The following OR7E24 variants were observed in gnomAD, a reference collection of about 807,000 sequenced individuals.
The protein encoded by OR7E24 is olfactory receptor family 7 subfamily E member 24, also known as olfactory receptor 7E24.
For missense variants in OR7E24, 385 were observed against 410.3 expected (o/e 0.94, Z 0.53); for synonymous variants, 130 against 157.5 (o/e 0.83, Z 1.31).
Position 9,251,898 on chromosome 19 carries a change from C to A in OR7E24, c.855C>A (p.Ser285=). ...VGYLSSAVLP[S]PRKSMVASVM... ...ACCTCAGTTCAGCTGTGTTACCATC[C>A]CCCAGGAAGAGTATGGTGGCTTCAG... Residue 285 remains serine, a synonymous_variant, in exon 1 of 1, where the codon TCC becomes TCA. Coordinates refer to ENST00000456448, the MANE Select transcript of OR7E24 (RefSeq NM_001079935.2). 2 of 1,614,082 alleles carry A rather than the reference C, an allele frequency of 1.2e-6. No individual in the cohort carries two copies. Among genetic ancestry groups the A allele is most frequent in the Non-Finnish European group, 1.7e-6 (2 of 1,180,006 alleles).
chr19:9,227,979 T>C, the OR7E24 span, among the ~76,000 whole-genome samples: 2 of 151,788 alleles, frequency 1.3e-5, no homozygotes, highest in Non-Finnish European at 2.9e-5. Flanking sequence ...GGTCTCGATC[T>C]CCTGACCTCG....
At chr19:9,229,438 G>A in the OR7E24 span, among the ~76,000 whole-genome samples, 293 of 151,994 alleles carry the variant, frequency 1.9e-3, 1 homozygote, top group Admixed American at 4.4e-3. Context: ...AGGAGACTGA[G>A]GCAGGAGAAT....
chr19:9,230,936 G>T, the OR7E24 span, among the ~76,000 whole-genome samples: 1 of 151,998 alleles, frequency 6.6e-6, no homozygotes, highest in Admixed American at 6.5e-5. Context: ...GATTGAGATG[G>T]AGTCTTGCTC....
At position 9,251,813 on chromosome 19, in the gene OR7E24, C is replaced by T; in HGVS notation, c.770C>T (p.Ser257Phe). ...TCAGATGGGAAGTATAAAGCCTTCTCCACCTGTGGCTCTCACCTGGCAGTT... is the reference window on the plus strand; with the variant it reads ...TCAGATGGGAAGTATAAAGCCTTCTTCACCTGTGGCTCTCACCTGGCAGTT... Reference protein sequence around the residue: ...PTSDGKYKAFSTCGSHLAVVC... With the variant: ...PTSDGKYKAFFTCGSHLAVVC... The change falls in exon 1 of 1, where the codon TCC becomes TTC. Residue 257 changes from serine to phenylalanine, a missense_variant. By Grantham distance (155) the Ser-to-Phe change is radical. Transcript: ENST00000456448. 1 of 1,613,452 alleles carries T rather than the reference C, an allele frequency of 6.2e-7. No homozygotes were observed. Among genetic ancestry groups the T allele is most frequent in the Non-Finnish European group, 8.5e-7 (1 of 1,179,636 alleles).
the OR7E24 span, among the ~76,000 whole-genome samples, chr19:9,222,588 T>C: frequency 6.6e-6 from 1 of 152,174 alleles, no homozygotes; most frequent in Admixed American, 6.5e-5. Context: ...TTTTGTTGAT[T>C]TCTTTTTTGA....
At chr19:9,226,244 C>T in the OR7E24 span, among the ~76,000 whole-genome samples, 4 of 152,296 alleles carry the variant, frequency 2.6e-5, no homozygotes, top group East Asian at 7.7e-4. Context: ...ATTTAATTTC[C>T]TCAGCCAGGC....
chr19:9,232,015 A>G, the OR7E24 span, among the ~76,000 whole-genome samples: 2 of 152,182 alleles, frequency 1.3e-5, no homozygotes, highest in Non-Finnish European at 2.9e-5. Context: ...TAGTGAGGGT[A>G]AGAGAGTCCT....
At chr19:9,246,466 T>TTGTGTGTG (rs34518365), upstream of OR7E24, among the ~76,000 whole-genome samples, 2,795 of 130,970 alleles carry the variant, frequency 0.021, 33 homozygotes, top group Non-Finnish European at 0.025. Context: ...CTTAAAGGTA[T>TTGTGTGTG]TGTGTGTGTG....
chr19:9,234,720 A>G, the OR7E24 span, among the ~76,000 whole-genome samples: 1 of 152,316 alleles, frequency 6.6e-6, no homozygotes, highest in East Asian at 1.9e-4. Flanking sequence ...ATCCATGAAA[A>G]CTAAGGAACT....
At chr19:9,226,968 G>T in the OR7E24 span, among the ~76,000 whole-genome samples, 1 of 152,064 alleles carries the variant, frequency 6.6e-6, no homozygotes, top group African/African-American at 2.4e-5. Context: ...ATAGGGGTTT[G>T]TTGTACAGAT....
the OR7E24 span, among the ~76,000 whole-genome samples, chr19:9,224,449 A>G: frequency 6.6e-6 from 1 of 151,964 alleles, no homozygotes; most frequent in East Asian, 1.9e-4. Flanking sequence ...CCTGATCATG[A>G]TTTTCCCACT....
upstream of OR7E24, among the ~76,000 whole-genome samples, chr19:9,250,749 G>T (rs1339870237): frequency 6.6e-6 from 1 of 152,158 alleles, no homozygotes; most frequent in Non-Finnish European, 1.5e-5. Flanking sequence ...AAAGGGGCAA[G>T]AATATTTTTG....
At chr19:9,214,513 C>T in the OR7E24 span, 1 of 1,614,110 alleles carries the variant, frequency 6.2e-7, no homozygotes, top group Non-Finnish European at 8.5e-7. Flanking sequence ...GTATCCATTC[C>T]AGCAAACATC....
the OR7E24 span, chr19:9,212,919 A>T: frequency 1.3e-5 from 2 of 152,072 alleles, no homozygotes; most frequent in Non-Finnish European, 2.9e-5. Flanking sequence ...TGCCCCGAAA[A>T]TTTTATATCA....
upstream of OR7E24, chr19:9,247,390 G>C (rs1226640177): frequency 2.5e-6 from 1 of 398,288 alleles, no homozygotes; most frequent in African/African-American, 2.1e-5. Context: ...GCATCAGGAG[G>C]CTCATGTCTG....
chr19:9,238,637 C>T, the OR7E24 span, among the ~76,000 whole-genome samples: 1 of 152,148 alleles, frequency 6.6e-6, no homozygotes, highest in East Asian at 1.9e-4. Context: ...ATCACTTCCC[C>T]TGTCTCACTG....
chr19:9,235,959 C>G, the OR7E24 span: 20 of 1,611,464 alleles, frequency 1.2e-5, no homozygotes, highest in Non-Finnish European at 1.6e-5. Flanking sequence ...AGAGCAGCTC[C>G]ATGGCCTCAG....
At chr19:9,240,115 C>A in the OR7E24 span, among the ~76,000 whole-genome samples, 1 of 152,082 alleles carries the variant, frequency 6.6e-6, no homozygotes, top group Admixed American at 6.6e-5. Context: ...AAGTGATCCT[C>A]CTGCCTTGGC....
At chr19:9,214,210 G>A in the OR7E24 span, 7 of 1,614,174 alleles carry the variant, frequency 4.3e-6, no homozygotes, top group East Asian at 1.1e-4. Flanking sequence ...CCAGCTACAG[G>A]AAACACACCC....
Sources: gnomAD v4.1 joint callset for allele counts (sites outside exome capture counted in the v4.1 genomes callset) on GRCh38, gnomAD v4.1.1 for gene constraint, MANE v1.5 for transcripts, NCBI Gene and HGNC (gene_info 2026-07-23, HGNC 2026-07-21) for gene names.